Variants in MAP4K3 observed in about 807,000 individuals in gnomAD.
MAP4K3 encodes the protein MAPK/ERK kinase kinase kinase 3.
A neutral mutation model predicts 143.5 loss-of-function variants in MAP4K3; 94 were observed. That is an observed-to-expected ratio of 0.65 (90% CI 0.55 to 0.78). MAP4K3 has a LOEUF of 0.78. Ranked by LOEUF, MAP4K3 falls within the 30% of genes least tolerant of loss-of-function variation. The pLI is 0.00. For missense variants in MAP4K3, 1,077 were observed against 1,068.1 expected, an observed-to-expected ratio of 1.01 and a Z score of -0.12; for synonymous variants, 416 against 347.2, an observed-to-expected ratio of 1.20 and a Z score of -2.20.
intron 15 of MAP4K3, among the ~76,000 whole-genome samples, chr2:39,304,426 CA>C (rs1558635022): frequency 6.6e-6 from 1 of 152,126 alleles, no homozygotes; most frequent in African/African-American, 2.4e-5. Context: ...CAGCCACAAG[CA>C]TTTGTAAGAG....
intron 12 of MAP4K3, among the ~76,000 whole-genome samples, chr2:39,324,337 G>A (rs920028471): frequency 6.6e-6 from 1 of 151,932 alleles, no homozygotes; most frequent in Non-Finnish European, 1.5e-5. Flanking sequence ...AACCCAGGAG[G>A]CAGAGGCTGC....
At chr2:39,391,165 C>T (rs1666642451) in intron 1 of MAP4K3, among the ~76,000 whole-genome samples, 2 of 151,588 alleles carry the variant, frequency 1.3e-5, no homozygotes, top group Admixed American at 1.3e-4. Flanking sequence ...ACCATCCTGG[C>T]TAACACAGTG....
At chr2:39,263,272 G>A (rs1680636402) in intron 28 of MAP4K3, among the ~76,000 whole-genome samples, 1 of 136,222 alleles carries the variant, frequency 7.3e-6, no homozygotes, top group South Asian at 2.4e-4. Context: ...ACATATAGAA[G>A]TTTTTTTTTT....
At chr2:39,413,430 C>T (rs964579220) in intron 1 of MAP4K3, among the ~76,000 whole-genome samples, 10 of 151,982 alleles carry the variant, frequency 6.6e-5, no homozygotes, top group Non-Finnish European at 1.0e-4. Flanking sequence ...CCAGTGCAGC[C>T]CAGGGGACAG....
At chr2:39,434,307 CTT>C (rs1278870391) in intron 1 of MAP4K3, among the ~76,000 whole-genome samples, 3 of 152,144 alleles carry the variant, frequency 2.0e-5, no homozygotes, top group Admixed American at 6.5e-5. Context: ...AAAAATGTAA[CTT>C]TATAGAATAA....
intron 22 of MAP4K3, among the ~76,000 whole-genome samples, chr2:39,281,816 T>C (rs997065375): frequency 6.6e-6 from 1 of 150,598 alleles, no homozygotes; most frequent in Non-Finnish European, 1.5e-5. Context: ...TTAAGTATTA[T>C]ATAAATTACA....
At chr2:39,303,696 G>T (rs1016528581) in intron 15 of MAP4K3, among the ~76,000 whole-genome samples, 1 of 152,038 alleles carries the variant, frequency 6.6e-6, no homozygotes. Flanking sequence ...GCACCACCAT[G>T]CCCAGCTAAT....
At chr2:39,263,734 A>T (rs925328353) in intron 28 of MAP4K3, among the ~76,000 whole-genome samples, 47 of 152,180 alleles carry the variant, frequency 3.1e-4, no homozygotes, top group Non-Finnish European at 6.2e-4. Flanking sequence ...CTACAGGTTC[A>T]CTATCTCAGA....
At chr2:39,398,663 T>C (rs572372146) in intron 1 of MAP4K3, among the ~76,000 whole-genome samples, 2 of 150,068 alleles carry the variant, frequency 1.3e-5, no homozygotes, top group African/African-American at 2.4e-5. Context: ...CCCCAAAAAT[T>C]TACTAAGCCA....
At chr2:39,400,275 T>C in intron 1 of MAP4K3, among the ~76,000 whole-genome samples, 1 of 152,202 alleles carries the variant, frequency 6.6e-6, no homozygotes, top group East Asian at 1.9e-4. Flanking sequence ...TAATCTCTTC[T>C]CTGGAATACT....
intron 1 of MAP4K3, among the ~76,000 whole-genome samples, chr2:39,392,205 A>AAAG: frequency 6.6e-6 from 1 of 151,094 alleles, no homozygotes; most frequent in South Asian, 2.1e-4. Context: ...AAAAAAAAAA[A>AAAG]TTACAGTGAA....
chr2:39,295,560 T>C (rs1413805109), intron 16 of MAP4K3, among the ~76,000 whole-genome samples: 1 of 152,114 alleles, frequency 6.6e-6, no homozygotes, highest in Non-Finnish European at 1.5e-5. Context: ...GGCTTTTATG[T>C]AATTTTAGAT....
In MAP4K3 at chr2:39,369,193, G is replaced by GTTTTTTTGTTTGTTTTTTT. The variant is rs747293878; in HGVS notation, c.154+8872_154+8873insAAAAAAACAAACAAAAAAA. On this transcript the variant is annotated intron_variant, in intron 2 of 33. Transcript: ENST00000263881. The stretch of plus-strand genomic sequence containing the variant: ...GGGTAAAATCTAAACCTTTGGGCTA[G>GTTTTTTTGTTTGTTTTTTT]TTTTTTTTTTTGTTTTTTTTGAGAT... Among the ~76,000 whole-genome samples the GTTTTTTTGTTTGTTTTTTT allele has an allele frequency of 2.5e-3, 96 of 37,882 alleles. 7 individuals carry two copies. The highest frequency in any genetic ancestry group is 8.2e-3 in the South Asian group (6 of 730). The allele number at this position is 37,882 out of a possible 152,430, so 24.9% of individuals were successfully genotyped here. A position where few individuals can be genotyped will look rare whatever the true frequency, so the allele number is the denominator to read the frequency against.
At chr2:39,329,750 A>C (rs548334244) in intron 8 of MAP4K3, among the ~76,000 whole-genome samples, 1 of 152,360 alleles carries the variant, frequency 6.6e-6, no homozygotes, top group East Asian at 1.9e-4. Context: ...GACATGATTA[A>C]GTAGAAGTAC....
intron 1 of MAP4K3, among the ~76,000 whole-genome samples, chr2:39,411,980 A>G (rs1385712625): frequency 2.0e-5 from 3 of 152,212 alleles, no homozygotes; most frequent in African/African-American, 7.2e-5. Flanking sequence ...ATCATTTTAC[A>G]AGGCAAGAAA....
rs770402534 is a variant in MAP4K3, at chr2:39,315,311, G to A, written c.996C>T (p.Thr332=). Residue 332 remains threonine, a splice_region_variant and synonymous_variant, in exon 13 of 34, where the codon ACC becomes ACT. Transcript: ENST00000263881. ...AAACTGTGTATAGTATATACTTACAGGTTATCTCTGAGCGTGTTTTTTCTT... is the reference window on the plus strand; with the variant it reads ...AAACTGTGTATAGTATATACTTACAAGTTATCTCTGAGCGTGTTTTTTCTT... ...VREEKTRSEI[T]FGQVKFDPPL... is the part of the protein sequence containing the mutation. 6.3e-7 allele frequency: 1 copy of A among 1,586,148 alleles called. No individual in the cohort carries two copies. The highest frequency in any genetic ancestry group is 8.7e-7 in the Non-Finnish European group (1 of 1,155,506).
chr2:39,355,043 C>T (rs1180960278), intron 3 of MAP4K3, among the ~76,000 whole-genome samples: 1 of 152,080 alleles, frequency 6.6e-6, no homozygotes, highest in African/African-American at 2.4e-5. Context: ...GCCTGGGCAA[C>T]ATAGTGAGAT....
At chr2:39,394,990 C>T (rs1390336779) in intron 1 of MAP4K3, among the ~76,000 whole-genome samples, 3 of 151,898 alleles carry the variant, frequency 2.0e-5, no homozygotes, top group Non-Finnish European at 4.4e-5. Flanking sequence ...ACATCTGAAA[C>T]AAAAATGGAA....
At chr2:39,401,474 C>G (rs1348711052) in intron 1 of MAP4K3, among the ~76,000 whole-genome samples, 1 of 152,156 alleles carries the variant, frequency 6.6e-6, no homozygotes, top group East Asian at 1.9e-4. Flanking sequence ...AGGCTACCAG[C>G]TGCTCTGTTC....
Sources: gnomAD v4.1 joint callset for allele counts (sites outside exome capture counted in the v4.1 genomes callset) on GRCh38, gnomAD v4.1.1 for gene constraint, MANE v1.5 for transcripts, NCBI Gene and HGNC (gene_info 2026-07-23, HGNC 2026-07-21) for gene names.